Variants in FMN1 observed in about 807,000 individuals in gnomAD.
FMN1 encodes formin 1, also known as formin-1.
A neutral mutation model predicts 132.4 loss-of-function variants in FMN1; 110 were observed. That is an observed-to-expected ratio of 0.83 (90% confidence interval 0.71 to 0.97). The LOEUF (loss-of-function observed/expected upper bound fraction) is 0.97. Ranked by LOEUF, FMN1 falls within the 50% of genes least tolerant of loss-of-function variation. FMN1 has a pLI of 0.00. For synonymous variants in FMN1, 722 were observed against 651.7 expected (o/e 1.11, Z -1.64); for missense variants, 1,792 against 1,705.3 (o/e 1.05, Z -0.90).
chr15:33,080,361 A>T (rs573618634), intron 5 of FMN1, among the ~76,000 whole-genome samples: 1 of 152,320 alleles, frequency 6.6e-6, no homozygotes, highest in Non-Finnish European at 1.5e-5. Context: ...CTGAGTGCCT[A>T]CATTTTAAAG....
intron 9 of FMN1, among the ~76,000 whole-genome samples, chr15:32,928,931 GA>G (rs2061030529): frequency 6.6e-6 from 1 of 152,192 alleles, no homozygotes; most frequent in Admixed American, 6.5e-5. Context: ...AAAAGAGCAA[GA>G]AAGATATTGA....
intron 6 of FMN1, among the ~76,000 whole-genome samples, chr15:33,022,973 G>C (rs1377322183): frequency 6.8e-6 from 1 of 146,120 alleles, no homozygotes; most frequent in Non-Finnish European, 1.5e-5. Flanking sequence ...CCTGAGGCCA[G>C]AAGTTCTAGG....
intron 9 of FMN1, among the ~76,000 whole-genome samples, chr15:32,942,864 A>G: frequency 6.6e-6 from 1 of 152,200 alleles, no homozygotes. Context: ...GGGCATGTGA[A>G]AGTTGCTGCT....
At chr15:32,852,878 A>G (rs1386050552) in intron 17 of FMN1, among the ~76,000 whole-genome samples, 4 of 151,986 alleles carry the variant, frequency 2.6e-5, no homozygotes, top group Admixed American at 1.3e-4. Flanking sequence ...TCATATTGTG[A>G]CTCTTATCAC....
At chr15:33,122,181 AAAC>A (rs1962625734) in intron 4 of FMN1, among the ~76,000 whole-genome samples, 1 of 152,248 alleles carries the variant, frequency 6.6e-6, no homozygotes, top group African/African-American at 2.4e-5. Flanking sequence ...TTCTTAGGTG[AAAC>A]CTAAAAGATT....
At chr15:32,971,742 C>T (rs2031812231) in intron 7 of FMN1, among the ~76,000 whole-genome samples, 1 of 152,188 alleles carries the variant, frequency 6.6e-6, no homozygotes, top group Non-Finnish European at 1.5e-5. Context: ...GTTTCAAAGA[C>T]ATACTGCATG....
At chr15:32,856,444 CA>C (rs1393139530) in intron 17 of FMN1, among the ~76,000 whole-genome samples, 1 of 152,178 alleles carries the variant, frequency 6.6e-6, no homozygotes, top group Admixed American at 6.5e-5. Flanking sequence ...GTTAAGATTT[CA>C]AAGAAAGTGT....
At chr15:33,108,947 T>A (rs992419816) in intron 4 of FMN1, among the ~76,000 whole-genome samples, 46 of 152,034 alleles carry the variant, frequency 3.0e-4, no homozygotes, top group Non-Finnish European at 6.5e-4. Flanking sequence ...CTTCAGACAA[T>A]CAATCAGTTA....
chr15:32,853,792 C>T (rs1036287991), intron 17 of FMN1, among the ~76,000 whole-genome samples: 3 of 152,190 alleles, frequency 2.0e-5, no homozygotes, highest in East Asian at 1.9e-4. Flanking sequence ...CCTTTGGTTA[C>T]GTAGCCCCAC....
chr15:33,020,822 T>A lies in FMN1; in HGVS notation c.2162-12747A>T, dbSNP rs191667130. ...ATCTAAGAACTTTTGGCATTTATAT[T>A]CCAGTATTAGCCCTTTAAGCCTGTG... is the stretch of plus-strand genomic sequence containing the variant. On this transcript the variant is annotated intron_variant, in intron 6 of 20. Transcript: ENST00000616417. Among the ~76,000 whole-genome samples the A allele has an allele frequency of 9.1e-4, 138 of 152,348 alleles. 1 individual carries two copies. Among genetic ancestry groups the A allele is most frequent in the Non-Finnish European group, 1.7e-3 (116 of 68,040 alleles).
chr15:33,092,962 T>G (rs936868205), intron 4 of FMN1, among the ~76,000 whole-genome samples: 1 of 152,192 alleles, frequency 6.6e-6, no homozygotes, highest in Non-Finnish European at 1.5e-5. Flanking sequence ...AAACTACATT[T>G]TATTAAAAAG....
chr15:33,066,997 C>T (rs1260877722), intron 5 of FMN1: 6 of 1,613,996 alleles, frequency 3.7e-6, no homozygotes, highest in East Asian at 4.5e-5. Context: ...GTTTAATTTC[C>T]GTGATGGTCT....
chr15:33,088,988 G>T lies in FMN1; in HGVS notation c.1868-14C>A. 1 of 1,524,738 alleles carries T rather than the reference G, an allele frequency of 6.6e-7. No individual in the cohort carries two copies. Among genetic ancestry groups the T allele is most frequent in the Non-Finnish European group, 8.8e-7 (1 of 1,142,848 alleles). The allele number at this position is 1,524,738 out of a possible 1,614,324, so 94.5% of individuals were successfully genotyped here. ...CAGAGGAGATACCTAAACAAACACA[G>T]AGAAGGCCATCAGTGACATGGCAGC... On this transcript the variant is annotated splice_polypyrimidine_tract_variant and intron_variant, in intron 4 of 20. Transcript: ENST00000616417.
Position 32,927,585 on chromosome 15 carries a change from T to C in FMN1, c.3139-1324A>G, listed in dbSNP as rs2060993372. Among the ~76,000 whole-genome samples the C allele has an allele frequency of 4.6e-5, 7 of 152,348 alleles. No homozygotes were observed. In the South Asian group the frequency reaches 1.4e-3, roughly 32 times the overall value. ...TAAAATTATTTTTTATAATACTATGTATTTTTACAATCTTCATAGAAACTC... is the reference window on the plus strand; with the variant it reads ...TAAAATTATTTTTTATAATACTATGCATTTTTACAATCTTCATAGAAACTC... On this transcript the variant is annotated intron_variant, in intron 9 of 20. Transcript: ENST00000616417.
chr15:33,017,342 G>A (rs1376198413), intron 6 of FMN1, among the ~76,000 whole-genome samples: 1 of 152,198 alleles, frequency 6.6e-6, no homozygotes, highest in Non-Finnish European at 1.5e-5. Flanking sequence ...TGGGTCAACT[G>A]TAACAAATGT....
intron 10 of FMN1, among the ~76,000 whole-genome samples, chr15:32,919,091 T>G (rs747406186): frequency 6.6e-6 from 1 of 152,220 alleles, no homozygotes; most frequent in Non-Finnish European, 1.5e-5. Context: ...CACATGGCAC[T>G]TTTGGTGGAT....
At chr15:33,124,846 G>C (rs969082990) in intron 4 of FMN1, among the ~76,000 whole-genome samples, 1 of 135,398 alleles carries the variant, frequency 7.4e-6, no homozygotes, top group Non-Finnish European at 1.6e-5. Flanking sequence ...TCATTTTTCT[G>C]CATTTTTTTT....
At chr15:33,084,535 G>C (rs2038614340) in intron 5 of FMN1, among the ~76,000 whole-genome samples, 2 of 152,134 alleles carry the variant, frequency 1.3e-5, no homozygotes, top group South Asian at 4.1e-4. Context: ...GGGACATCTA[G>C]TTGGTGTCTA....
intron 4 of FMN1, among the ~76,000 whole-genome samples, chr15:33,109,114 T>C (rs1230191000): frequency 6.6e-6 from 1 of 152,140 alleles, no homozygotes; most frequent in Non-Finnish European, 1.5e-5. Context: ...AAAACATACT[T>C]GGTCTAGAGT....
Sources: gnomAD v4.1 joint callset for allele counts (sites outside exome capture counted in the v4.1 genomes callset) on GRCh38, gnomAD v4.1.1 for gene constraint, MANE v1.5 for transcripts, NCBI Gene and HGNC (gene_info 2026-07-23, HGNC 2026-07-21) for gene names.